The following PITPNC1 variants were observed in gnomAD, a reference collection of about 807,000 sequenced individuals.
PITPNC1 encodes phosphatidylinositol transfer protein cytoplasmic 1, also known as cytoplasmic phosphatidylinositol transfer protein 1.
In PITPNC1, 18 loss-of-function variants were observed where a neutral mutation model predicts 44.7. The observed-to-expected ratio is 0.40, with a 90% CI of 0.28 to 0.60. The LOEUF is 0.60. PITPNC1 is among the 20% of genes least tolerant of loss of function. The pLI, the probability that PITPNC1 is intolerant of heterozygous loss-of-function variation, is 0.39. For missense variants in PITPNC1, 290 were observed against 418.4 expected, an observed-to-expected ratio of 0.69 and a Z score of 2.68; for synonymous variants, 141 against 149.6, an observed-to-expected ratio of 0.94 and a Z score of 0.42.
Position 67,695,161 on chromosome 17 carries a change from GAT to G in PITPNC1, c.*2275_*2276del, listed in dbSNP as rs2042989225. On this transcript the variant is annotated 3_prime_UTR_variant, in exon 9 of 9. Transcript: ENST00000581322. Reference sequence around the variant, plus strand: ...CAGACATCAGTTGCAAAGCTACGATGATAGTGTGATTCTTAGCCGAAAAAAAA... The same window carrying G: ...CAGACATCAGTTGCAAAGCTACGATGAGTGTGATTCTTAGCCGAAAAAAAA... The G allele has an allele frequency of 6.6e-6, 1 of 152,138 alleles. No homozygotes were observed. Among genetic ancestry groups the G allele is most frequent in the Non-Finnish European group, 1.5e-5 (1 of 68,022 alleles). The allele number at this position is 152,138 out of a possible 1,614,324, so 9.4% of individuals were successfully genotyped here. A position where few individuals can be genotyped will look rare whatever the true frequency, so the allele number is the denominator to read the frequency against.
At chr17:67,473,296 A>C (rs1301663315) in intron 1 of PITPNC1, among the ~76,000 whole-genome samples, 1 of 151,904 alleles carries the variant, frequency 6.6e-6, no homozygotes, top group Non-Finnish European at 1.5e-5. Context: ...CGGCCTCCTA[A>C]GTGCTGGGAT....
chr17:67,608,256 AC>A (rs2041637548), intron 5 of PITPNC1, among the ~76,000 whole-genome samples: 2 of 146,944 alleles, frequency 1.4e-5, no homozygotes, highest in Non-Finnish European at 1.5e-5. Context: ...ACAAAAAAAA[AC>A]AAAAAAAAAA....
intron 1 of PITPNC1, among the ~76,000 whole-genome samples, chr17:67,388,566 T>C (rs1305284905): frequency 6.6e-6 from 1 of 151,716 alleles, no homozygotes; most frequent in Non-Finnish European, 1.5e-5. Flanking sequence ...GTGATCCACC[T>C]GTCTTGGCCT....
chr17:67,418,808 G>T (rs2093937948), intron 1 of PITPNC1, among the ~76,000 whole-genome samples: 1 of 152,124 alleles, frequency 6.6e-6, no homozygotes, highest in Admixed American at 6.6e-5. Flanking sequence ...TGATTCACCT[G>T]CCTCGGCCTC....
chr17:67,439,653 T>A (rs184787514), intron 1 of PITPNC1, among the ~76,000 whole-genome samples: 2 of 152,316 alleles, frequency 1.3e-5, no homozygotes, highest in Admixed American at 1.3e-4. Flanking sequence ...ATATACCAGG[T>A]GATATTTTGA....
intron 8 of PITPNC1, among the ~76,000 whole-genome samples, chr17:67,690,097 T>C (rs1409993118): frequency 6.6e-6 from 1 of 152,220 alleles, no homozygotes; most frequent in East Asian, 1.9e-4. Context: ...TCCCAGGAAA[T>C]CCTCTTAAGG....
intron 1 of PITPNC1, among the ~76,000 whole-genome samples, chr17:67,443,859 T>C (rs1321493642): frequency 6.6e-6 from 1 of 152,026 alleles, no homozygotes; most frequent in Admixed American, 6.6e-5. Flanking sequence ...GGTCTCGAAC[T>C]CCTGACCTCA....
At chr17:67,673,481 T>G (rs2042546729) in intron 7 of PITPNC1, among the ~76,000 whole-genome samples, 1 of 152,158 alleles carries the variant, frequency 6.6e-6, no homozygotes, top group African/African-American at 2.4e-5. Context: ...AAGAAACAAT[T>G]TCATCCTTTT....
At chr17:67,544,498 G>C (rs1243615942) in intron 2 of PITPNC1, among the ~76,000 whole-genome samples, 2 of 152,202 alleles carry the variant, frequency 1.3e-5, no homozygotes, top group African/African-American at 4.8e-5. Context: ...CACCACCCTG[G>C]CTGCTGGATT....
chr17:67,443,933 C>T (rs1205265163), intron 1 of PITPNC1, among the ~76,000 whole-genome samples: 1 of 151,972 alleles, frequency 6.6e-6, no homozygotes, highest in Non-Finnish European at 1.5e-5. Context: ...CTGCGCCCGG[C>T]CGACACTGGT....
rs1448395203 is a variant in PITPNC1 at position 67,696,921 on chromosome 17, T to G, written c.*4033T>G. 2.0e-5 allele frequency: 3 copies of G among 152,260 alleles called. No individual in the cohort carries two copies. Among genetic ancestry groups the G allele is most frequent in the African/African-American group, 7.2e-5 (3 of 41,466 alleles). The allele number at this position is 152,260 out of a possible 1,614,324, so 9.4% of individuals were successfully genotyped here. A position where few individuals can be genotyped will look rare whatever the true frequency, so the allele number is the denominator to read the frequency against. On this transcript the variant is annotated 3_prime_UTR_variant, in exon 9 of 9. Transcript: ENST00000581322. ...ATGTCTGTCAAATTGCAAGTCTCCCTTCAGTTTCTATATATCACCCAGGAG... is the reference window on the plus strand; with the variant it reads ...ATGTCTGTCAAATTGCAAGTCTCCCGTCAGTTTCTATATATCACCCAGGAG...
At chr17:67,483,491 A>G (rs182167080) in intron 1 of PITPNC1, among the ~76,000 whole-genome samples, 2 of 152,358 alleles carry the variant, frequency 1.3e-5, no homozygotes, top group African/African-American at 4.8e-5. Flanking sequence ...AAAGAGCTGA[A>G]AAGCAATACC....
chr17:67,589,820 T>C (rs900396733), intron 5 of PITPNC1, among the ~76,000 whole-genome samples: 2 of 151,898 alleles, frequency 1.3e-5, no homozygotes, highest in Non-Finnish European at 2.9e-5. Context: ...ATATAAAAAA[T>C]AGCCAGACGT....
At chr17:67,622,701 C>A (rs1297378654) in intron 5 of PITPNC1, among the ~76,000 whole-genome samples, 1 of 151,760 alleles carries the variant, frequency 6.6e-6, no homozygotes, top group Non-Finnish European at 1.5e-5. Flanking sequence ...CATGGTGAAA[C>A]CCCATCTCTA....
Position 67,522,490 on chromosome 17 carries a change from A to T in PITPNC1, c.49-10312A>T, listed in dbSNP as rs1598774379. Among the ~76,000 whole-genome samples, 3 of 152,094 alleles carry T rather than the reference A, an allele frequency of 2.0e-5. No homozygotes were observed. The South Asian group carries it at 6.2e-4, about 31-fold the overall frequency. ...CTAAACCAAAGGTTCATCAAATAGA[A>T]ATAATTTTAAAAATTATTTCATAAT... On this transcript the variant is annotated intron_variant, in intron 1 of 8. Coordinates refer to ENST00000581322, the MANE Select transcript of PITPNC1 (RefSeq NM_012417.4).
intron 4 of PITPNC1, among the ~76,000 whole-genome samples, chr17:67,573,186 G>A (rs1206218994): frequency 6.6e-6 from 1 of 152,210 alleles, no homozygotes; most frequent in Non-Finnish European, 1.5e-5. Context: ...TAGGGTCTTT[G>A]TTGGGGATGG....
chr17:67,544,407 G>A (rs1365007063), intron 2 of PITPNC1, among the ~76,000 whole-genome samples: 3 of 152,208 alleles, frequency 2.0e-5, no homozygotes, highest in Admixed American at 6.5e-5. Context: ...GGAGGGAATG[G>A]GGGTGGGGGT....
chr17:67,459,113 C>CTTTTTTTTTTTTTT (rs886333854), intron 1 of PITPNC1, among the ~76,000 whole-genome samples: 4 of 95,714 alleles, frequency 4.2e-5, no homozygotes, highest in Non-Finnish European at 4.2e-5. Flanking sequence ...TTTTCTTTTT[C>CTTTTTTTTTTTTTT]TTTTTTTTTT....
chr17:67,547,279 C>CCGAG, intron 2 of PITPNC1, among the ~76,000 whole-genome samples: 1 of 152,238 alleles, frequency 6.6e-6, no homozygotes, highest in East Asian at 1.9e-4. Context: ...TTTCAGGAGG[C>CCGAG]CGAGATGGGA....
Sources: allele counts gnomAD v4.1 joint callset (sites outside exome capture counted in the v4.1 genomes callset), GRCh38; gene constraint gnomAD v4.1.1; transcripts MANE v1.5; gene names NCBI Gene and HGNC (gene_info 2026-07-23, HGNC 2026-07-21).